The following RARB variants were observed in gnomAD, a reference collection of about 807,000 sequenced individuals.
RARB encodes HBV-activated protein.
In RARB, 17 loss-of-function variants were observed where a neutral mutation model predicts 51.9. The ratio of observed to expected loss-of-function variants is 0.33; its 90% CI spans 0.22 to 0.49. The LOEUF is 0.49. RARB is among the 20% of genes least tolerant of loss of function. The probability of loss-of-function intolerance (pLI) is 0.99; values close to 1 mark genes in which losing one functional copy is unlikely to be tolerated. For synonymous variants in RARB, 215 were observed against 195.4 expected (o/e 1.10, Z -0.84); for missense variants, 369 against 550.8 (o/e 0.67, Z 3.30).
chr3:25,173,785 G>T (rs541812117), intron 4 of RARB, among the ~76,000 whole-genome samples: 36 of 152,258 alleles, frequency 2.4e-4, no homozygotes, highest in Non-Finnish European at 5.0e-4. Context: ...CATGCTAATG[G>T]GGGAGACAGA....
At chr3:24,871,047 C>T (rs933518549) in intron 2 of RARB, among the ~76,000 whole-genome samples, 4 of 151,960 alleles carry the variant, frequency 2.6e-5, no homozygotes, top group Admixed American at 2.0e-4. Flanking sequence ...TCATTCTACT[C>T]TATCTTTATG....
chr3:25,205,647 T>C (rs1459244979), intron 5 of RARB, among the ~76,000 whole-genome samples: 2 of 152,196 alleles, frequency 1.3e-5, no homozygotes, highest in East Asian at 1.9e-4. Context: ...GTAATTATTA[T>C]GCACTGTATG....
chr3:25,570,069 T>C, intron 4 of RARB, 151 bp downstream of exon 4: 1 of 1,140,972 alleles, frequency 8.8e-7, no homozygotes, highest in Non-Finnish European at 1.2e-6. Flanking sequence ...GCTGGGGCTA[T>C]GTAGTAGCCA....
intron 5 of RARB, among the ~76,000 whole-genome samples, chr3:25,204,331 C>CT (rs1361435959): frequency 6.6e-6 from 1 of 152,140 alleles, no homozygotes; most frequent in African/African-American, 2.4e-5. Context: ...TTCGTCTAAT[C>CT]TTTTTTCAAG....
At chr3:24,968,868 G>A (rs559092000) in intron 2 of RARB, among the ~76,000 whole-genome samples, 44 of 152,156 alleles carry the variant, frequency 2.9e-4, no homozygotes, top group African/African-American at 1.0e-3. Flanking sequence ...TAAATGAGAG[G>A]TCATTACTCT....
At chr3:25,017,925 C>G (rs1004271594) in intron 2 of RARB, among the ~76,000 whole-genome samples, 1 of 152,132 alleles carries the variant, frequency 6.6e-6, no homozygotes, top group Admixed American at 6.6e-5. Flanking sequence ...GGATTTGTGC[C>G]TGGTTTGTCC....
intron 2 of RARB, among the ~76,000 whole-genome samples, chr3:24,942,159 T>G (rs1412646039): frequency 3.9e-5 from 6 of 152,250 alleles, no homozygotes; most frequent in African/African-American, 1.4e-4. Context: ...AAACTGGGAC[T>G]GAAACCAGGT....
At chr3:25,481,938 T>A (rs1428421498) in intron 2 of RARB, among the ~76,000 whole-genome samples, 2 of 152,216 alleles carry the variant, frequency 1.3e-5, no homozygotes, top group South Asian at 2.1e-4. Context: ...AAAATAGTAC[T>A]ATCCCCATTT....
intron 2 of RARB, among the ~76,000 whole-genome samples, chr3:24,921,541 G>A (rs565489749): frequency 1.3e-5 from 2 of 152,220 alleles, no homozygotes; most frequent in South Asian, 2.1e-4. Flanking sequence ...TGTGCCCTGT[G>A]TTTACCAGTG....
chr3:25,402,898 C>T (rs1387841390), intron 5 of RARB, among the ~76,000 whole-genome samples: 4 of 152,124 alleles, frequency 2.6e-5, no homozygotes, highest in East Asian at 3.9e-4. Flanking sequence ...AGCGTGGTGG[C>T]TCACGCCTGT....
chr3:25,426,176 C>G (rs1266124984), upstream of RARB, among the ~76,000 whole-genome samples: 2 of 152,164 alleles, frequency 1.3e-5, no homozygotes, highest in Non-Finnish European at 2.9e-5. Flanking sequence ...ACCTTAATGA[C>G]AGTGTGTTAA....
At chr3:25,432,248 C>T (rs2125517210) in intron 1 of RARB, among the ~76,000 whole-genome samples, 1 of 152,214 alleles carries the variant, frequency 6.6e-6, no homozygotes, top group East Asian at 1.9e-4. Flanking sequence ...TAAATTGGTA[C>T]ATTTGACAAG....
intron 5 of RARB, among the ~76,000 whole-genome samples, chr3:25,390,834 C>T (rs541645815): frequency 6.6e-6 from 1 of 152,254 alleles, no homozygotes; most frequent in South Asian, 2.1e-4. Context: ...CTCCTAAGCC[C>T]TGTATGTCTA....
chr3:24,862,292 T>C (rs1292619399), intron 2 of RARB, among the ~76,000 whole-genome samples: 1 of 152,184 alleles, frequency 6.6e-6, no homozygotes, highest in Non-Finnish European at 1.5e-5. Flanking sequence ...GCTATAGTGA[T>C]TAAAAAGTAT....
intron 5 of RARB, among the ~76,000 whole-genome samples, chr3:25,232,803 T>C (rs983994667): frequency 2.0e-5 from 3 of 152,092 alleles, no homozygotes; most frequent in African/African-American, 7.2e-5. Context: ...TTCAGTATGG[T>C]ATTCAATAAA....
intron 2 of RARB, among the ~76,000 whole-genome samples, chr3:25,036,817 G>A (rs1191082208): frequency 2.0e-5 from 3 of 152,270 alleles, no homozygotes; most frequent in South Asian, 2.1e-4. Context: ...AGGGTGGGGA[G>A]GGGGGATCTG....
chr3:24,886,548 C>T (rs149555654), intron 2 of RARB, among the ~76,000 whole-genome samples: 92 of 151,982 alleles, frequency 6.1e-4, no homozygotes, highest in Non-Finnish European at 1.1e-3. Context: ...GGACTCAAGC[C>T]ATTCTTTCTC....
intron 3 of RARB, among the ~76,000 whole-genome samples, chr3:25,073,501 G>GAAA (rs1280718726): frequency 1.3e-5 from 2 of 152,192 alleles, no homozygotes; most frequent in Non-Finnish European, 2.9e-5. Context: ...TAAACAGTTA[G>GAAA]TTAGGTTTCT....
At chr3:25,402,428 T>C (rs976068768) in intron 5 of RARB, among the ~76,000 whole-genome samples, 1 of 152,234 alleles carries the variant, frequency 6.6e-6, no homozygotes, top group Non-Finnish European at 1.5e-5. Flanking sequence ...TGAGCTACCA[T>C]GTGATCTAGC....
Sources: allele counts gnomAD v4.1 joint callset (sites outside exome capture counted in the v4.1 genomes callset), GRCh38; gene constraint gnomAD v4.1.1; transcripts MANE v1.5; gene names NCBI Gene and HGNC (gene_info 2026-07-23, HGNC 2026-07-21).